ZNF253: variants seen among roughly 807,000 people sequenced by gnomAD.
The protein encoded by ZNF253 is DNA-binding protein.
A neutral mutation model predicts 11.9 loss-of-function variants in ZNF253; 8 were observed. The observed-to-expected ratio is 0.67, with a 90% CI of 0.40 to 1.22. The LOEUF (loss-of-function observed/expected upper bound fraction) is 1.22. Among genes scored for constraint, ZNF253 ranks in the 50% most tolerant of loss-of-function variants. The probability of loss-of-function intolerance (pLI) is 0.01; values close to 1 mark genes in which losing one functional copy is unlikely to be tolerated. For synonymous variants in ZNF253, 194 were observed against 194.9 expected (o/e 1.00, Z 0.04); for missense variants, 485 against 586.9 (o/e 0.83, Z 1.79).
intron 1 of ZNF253, among the ~76,000 whole-genome samples, chr19:19,872,585 A>ATGATATATATATATATATATTAT (rs59790297): frequency 1.1e-5 from 1 of 90,478 alleles, no homozygotes; most frequent in African/African-American, 6.1e-5. Flanking sequence ...ATATATTATT[A>ATGATATATATATATATATATTAT]TATATATATA....
intron 3 of ZNF253, among the ~76,000 whole-genome samples, chr19:19,885,268 TTTC>T (rs1446299444): frequency 4.1e-4 from 24 of 57,928 alleles, no homozygotes; most frequent in South Asian, 1.6e-3. Flanking sequence ...TCTTTCTTTC[TTTC>T]TTTCTTTCTT....
intron 3 of ZNF253, among the ~76,000 whole-genome samples, chr19:19,881,182 C>CT (rs960642210): frequency 6.6e-6 from 1 of 151,904 alleles, no homozygotes; most frequent in African/African-American, 2.4e-5. Context: ...TTGGATCTTC[C>CT]TTTTTTATTT....
At chr19:19,877,378 TTC>T (rs1491221727) in intron 1 of ZNF253, among the ~76,000 whole-genome samples, 25 of 137,718 alleles carry the variant, frequency 1.8e-4, no homozygotes, top group East Asian at 5.0e-4. Flanking sequence ...CTTCTTCTTC[TTC>T]TTTTTTTTTT....
intron 1 of ZNF253, among the ~76,000 whole-genome samples, chr19:19,869,971 T>C (rs2063127290): frequency 2.0e-5 from 3 of 152,090 alleles, no homozygotes; most frequent in Admixed American, 2.0e-4. Context: ...AACAATATTT[T>C]CTACAATAGT....
At chr19:19,872,585 A>ATTATATATATATATATAAT (rs59790297) in intron 1 of ZNF253, among the ~76,000 whole-genome samples, 1 of 90,478 alleles carries the variant, frequency 1.1e-5, no homozygotes, top group Non-Finnish European at 2.1e-5. Flanking sequence ...ATATATTATT[A>ATTATATATATATATATAAT]TATATATATA....
intron 1 of ZNF253, among the ~76,000 whole-genome samples, chr19:19,874,416 C>T (rs1028207538): frequency 8.6e-5 from 13 of 151,876 alleles, no homozygotes; most frequent in Non-Finnish European, 1.8e-4. Context: ...TTCAGCTACT[C>T]GGGAGGATGA....
At chr19:19,880,200 G>A (rs1568496960) in intron 3 of ZNF253, 54 bp downstream of exon 3, 30 of 1,331,444 alleles carry the variant, frequency 2.3e-5, no homozygotes, top group Non-Finnish European at 2.9e-5. Flanking sequence ...AGGTCCCAAT[G>A]TCAAAGAGAA....
In ZNF253 at chr19:19,865,925, C is replaced by T. The variant is rs2063108741; in HGVS notation, c.-72C>T. The T allele has an allele frequency of 2.5e-6, 4 of 1,596,148 alleles. No individual in the cohort carries two copies. Among genetic ancestry groups the T allele is most frequent in the Non-Finnish European group, 3.4e-6 (4 of 1,163,650 alleles). ...GTGTCCTGTGCTTATAGAGGCCCGT[C>T]CTCTGTGGCCGTGTGACCTGCAAGT... is the stretch of plus-strand genomic sequence containing the variant. On this transcript the variant is annotated 5_prime_UTR_variant, in exon 1 of 4. Transcript: ENST00000589717.
intron 3 of ZNF253, among the ~76,000 whole-genome samples, chr19:19,884,796 G>A (rs1180910068): frequency 3.3e-5 from 5 of 152,014 alleles, no homozygotes; most frequent in Non-Finnish European, 5.9e-5. Flanking sequence ...ATCATCAACA[G>A]ATTTGGTGTA....
At position 19,891,934 on chromosome 19, in the gene ZNF253, A is replaced by G. The variant is rs758333349; in HGVS notation, c.687A>G (p.Arg229=). The change falls in exon 4 of 4, where the codon AGA becomes AGG. Residue 229 remains arginine (R), a synonymous_variant. Coordinates refer to ENST00000589717, the MANE Select transcript of ZNF253 (RefSeq NM_021047.3). ...KRIHTGEKPY[R]CEECGKAFKQ... is the part of the protein sequence containing the mutation. The stretch of plus-strand genomic sequence containing the variant: ...TTCATACCGGAGAGAAACCCTACAG[A>G]TGTGAAGAATGTGGCAAAGCCTTTA... 1.1e-5 allele frequency: 17 copies of G among 1,613,822 alleles called. No homozygotes were observed. In the East Asian group the frequency reaches 3.6e-4, roughly 34 times the overall value.
chr19:19,875,109 C>T (rs1397869304), intron 1 of ZNF253, among the ~76,000 whole-genome samples: 1 of 152,108 alleles, frequency 6.6e-6, no homozygotes, highest in Non-Finnish European at 1.5e-5. Context: ...AGTCTTGCCT[C>T]ACAGAACTGA....
Position 19,892,736 on chromosome 19 carries a change from A to C in ZNF253, c.1489A>C (p.Ser497Arg). The C allele has an allele frequency of 1.9e-6, 3 of 1,586,060 alleles. No homozygotes were observed. Among genetic ancestry groups the C allele is most frequent in the Non-Finnish European group, 2.6e-6 (3 of 1,168,002 alleles). ...DLLNVPPLLI[S>R]IR ...TTTAAATGTTCCTCCACTTTTAATTAGCATAAGATAATTCATACTGGAGAG... is the reference window on the plus strand; with the variant it reads ...TTTAAATGTTCCTCCACTTTTAATTCGCATAAGATAATTCATACTGGAGAG... Residue 497 changes from serine to arginine, a missense_variant, in exon 4 of 4, where the codon AGC becomes CGC. By Grantham distance (110) the Ser-to-Arg change is moderately radical (BLOSUM62 -1). Transcript: ENST00000589717.
rs1486154732 is a variant in ZNF253, at chr19:19,893,737, A to C, written c.*990A>C. The C allele has an allele frequency of 2.0e-5, 3 of 152,242 alleles. No individual in the cohort carries two copies. Among genetic ancestry groups the C allele is most frequent in the African/African-American group, 7.2e-5 (3 of 41,472 alleles). 9.4% of individuals were successfully genotyped at this position (152,242 alleles called of 1,614,324 possible). A position where few individuals can be genotyped will look rare whatever the true frequency, so the allele number is the denominator to read the frequency against. The stretch of plus-strand genomic sequence containing the variant: ...CAATTACTGTCAAAAAATCTTTCAG[A>C]AAATAGAAGTCTTTAAAGTGAAGAA... On this transcript the variant is annotated 3_prime_UTR_variant, in exon 4 of 4. Transcript: ENST00000589717.
chr19:19,879,922 C>A, intron 2 of ZNF253, 129 bp from the exon 3 acceptor site: 1 of 362,208 alleles, frequency 2.8e-6, no homozygotes. Flanking sequence ...TTAGAAATTT[C>A]TGTTATAAAT....
At position 19,892,914 on chromosome 19, in the gene ZNF253, A is replaced by G. The variant is rs921726054; in HGVS notation, c.*167A>G. ...TCTCAACCCTTATTACACATAATTCATACCAAACAGAAGCCCTACAAGTGT... is the reference window on the plus strand; with the variant it reads ...TCTCAACCCTTATTACACATAATTCGTACCAAACAGAAGCCCTACAAGTGT... On this transcript the variant is annotated 3_prime_UTR_variant, in exon 4 of 4. Transcript: ENST00000589717. 1 of 664,012 alleles carries G rather than the reference A, an allele frequency of 1.5e-6. No individual in the cohort carries two copies. Among genetic ancestry groups the G allele is most frequent in the Admixed American group, 3.1e-5 (1 of 32,124 alleles). The allele number at this position is 664,012 out of a possible 1,614,324, so 41.1% of individuals were successfully genotyped here. A position where few individuals can be genotyped will look rare whatever the true frequency, so the allele number is the denominator to read the frequency against.
chr19:19,887,212 C>T (rs2063209730), intron 3 of ZNF253, among the ~76,000 whole-genome samples: 1 of 151,678 alleles, frequency 6.6e-6, no homozygotes, highest in African/African-American at 2.4e-5. Context: ...TGACTCAATG[C>T]AAAATGAGTC....
rs1450398054 is a variant in ZNF253 at position 19,894,242 on chromosome 19, C to G, written c.*1495C>G. The G allele has an allele frequency of 6.6e-6, 1 of 151,974 alleles. No homozygotes were observed. The highest frequency in any genetic ancestry group is 1.9e-4 in the East Asian group (1 of 5,192). The allele number at this position is 151,974 out of a possible 1,614,324, so 9.4% of individuals were successfully genotyped here. On this transcript the variant is annotated 3_prime_UTR_variant, in exon 4 of 4. Transcript: ENST00000589717. Reference sequence around the variant, plus strand: ...ATTACATTGAAAGTATACTTGTTTTCTTGAAAAAATTTTTTTGAAAAGTGA... The same window carrying G: ...ATTACATTGAAAGTATACTTGTTTTGTTGAAAAAATTTTTTTGAAAAGTGA...
chr19:19,883,132 A>G (rs1328192807), intron 3 of ZNF253, among the ~76,000 whole-genome samples: 1 of 152,064 alleles, frequency 6.6e-6, no homozygotes, highest in East Asian at 1.9e-4. Flanking sequence ...GCAGTCATTG[A>G]GATAGTTTTA....
At chr19:19,877,397 A>G (rs552242488) in intron 1 of ZNF253, among the ~76,000 whole-genome samples, 1 of 150,044 alleles carries the variant, frequency 6.7e-6, no homozygotes, top group East Asian at 2.0e-4. Context: ...TTTTTTTAAG[A>G]AGAGTTTCAC....
Sources: gnomAD v4.1 joint callset for allele counts (sites outside exome capture counted in the v4.1 genomes callset) on GRCh38, gnomAD v4.1.1 for gene constraint, MANE v1.5 for transcripts, NCBI Gene and HGNC (gene_info 2026-07-23, HGNC 2026-07-21) for gene names.